Variants in BCOR observed in about 807,000 individuals in gnomAD.
BCOR encodes BCL-6 corepressor.
In BCOR, 10 loss-of-function variants were observed where a neutral mutation model predicts 86.7. That is an observed-to-expected ratio of 0.12 (90% confidence interval 0.07 to 0.20). The LOEUF (loss-of-function observed/expected upper bound fraction) is 0.20. Ranked by LOEUF, BCOR falls within the 10% of genes least tolerant of loss-of-function variation. BCOR has a pLI of 1.00. For missense variants in BCOR, 1,259 were observed against 1,452.1 expected (o/e 0.87, Z 2.16); for synonymous variants, 611 against 609.0 (o/e 1.00, Z -0.05).
chrX:40,090,772 C>G (rs1274186625), intron 1 of BCOR, among the ~76,000 whole-genome samples: 1 of 111,877 alleles, frequency 8.9e-6, no homozygotes, highest in Non-Finnish European at 1.9e-5. Flanking sequence ...GGACGGGCTG[C>G]TTTTATTTAT....
At chrX:40,171,496 T>TGGG (rs10708196) in intron 1 of BCOR, among the ~76,000 whole-genome samples, 1 of 63,857 alleles carries the variant, frequency 1.6e-5, no homozygotes, top group Non-Finnish European at 3.5e-5. Context: ...TTAATCCCCA[T>TGGG]GGGGGGGGGG....
intron 4 of BCOR, 88 bp downstream of exon 4, chrX:40,072,261 C>T: frequency 1.0e-6 from 1 of 989,183 alleles, no homozygotes; most frequent in Non-Finnish European, 1.4e-6. Context: ...TGCCTGGTGC[C>T]CTGCCCTACC....
intron 1 of BCOR, among the ~76,000 whole-genome samples, chrX:40,133,864 A>G (rs7063183): frequency 0.3 from 33,578 of 110,142 alleles, 5,511 homozygotes; most frequent in African/African-American, 0.63. Flanking sequence ...AAGTACACTC[A>G]TGTGTATTAA....
chrX:40,160,830 A>ATT (rs776054747), intron 1 of BCOR, among the ~76,000 whole-genome samples: 96 of 92,359 alleles, frequency 1.0e-3, no homozygotes, highest in African/African-American at 3.6e-3. Flanking sequence ...CGCCCGGCTA[A>ATT]TTTTTTTTTT....
intron 1 of BCOR, among the ~76,000 whole-genome samples, chrX:40,095,299 G>GAGGCTGACAATTA (rs1333992086): frequency 2.7e-5 from 3 of 111,886 alleles, no homozygotes; most frequent in African/African-American, 9.8e-5. Flanking sequence ...AGGAATCTTT[G>GAGGCTGACAATTA]AGGCTGACAA....
chrX:40,101,835 G>A (rs1440474408), upstream of BCOR, among the ~76,000 whole-genome samples: 1 of 112,769 alleles, frequency 8.9e-6, no homozygotes, highest in East Asian at 2.8e-4. Context: ...TTCTCAGGGC[G>A]ATGACACTTG....
intron 1 of BCOR, among the ~76,000 whole-genome samples, chrX:40,093,889 T>A (rs2147661844): frequency 9.0e-6 from 1 of 110,948 alleles, no homozygotes; most frequent in South Asian, 3.8e-4. Flanking sequence ...AAAGTGAGGG[T>A]GTTCATTGTG....
chrX:40,072,541 C>G lies in BCOR; in HGVS notation c.2805G>C (p.Val935=). The G allele has an allele frequency of 8.3e-7, 1 of 1,211,895 alleles. No individual in the cohort carries two copies. The highest frequency in any genetic ancestry group is 1.7e-5 in the African/African-American group (1 of 57,851). ...CVGSAPPSVD[V]TPTYTKDGAD... ...CTCCATCTTTGGTATAGGTGGGGGT[C>G]ACATCCACACTTGGTGGGGCACTGC... The change falls in exon 4 of 15, where the codon GTG becomes GTC. Residue 935 remains valine, a synonymous_variant. Transcript: ENST00000378444.
chrX:40,142,711 T>A, intron 1 of BCOR, among the ~76,000 whole-genome samples: 1 of 111,940 alleles, frequency 8.9e-6, no homozygotes, highest in Non-Finnish European at 1.9e-5. Flanking sequence ...TGTGGTGACA[T>A]AGGCCCTGTT....
chrX:40,071,900 T>C (rs1228338514), intron 4 of BCOR: 1 of 400,335 alleles, frequency 2.5e-6, no homozygotes, highest in African/African-American at 2.5e-5. Context: ...TAAGCAACCT[T>C]TTTTCTTTTT....
chrX:40,158,114 G>A (rs1938333599), intron 1 of BCOR, among the ~76,000 whole-genome samples: 1 of 112,365 alleles, frequency 8.9e-6, no homozygotes, highest in South Asian at 3.6e-4. Flanking sequence ...ACCATGTCTA[G>A]CCAGGCGGCC....
At chrX:40,135,394 T>G (rs1172994049) in intron 1 of BCOR, among the ~76,000 whole-genome samples, 1 of 100,379 alleles carries the variant, frequency 1.0e-5, no homozygotes, top group Admixed American at 1.1e-4. Context: ...CCTTCTTTTC[T>G]TTTTTTTTTT....
chrX:40,143,906 G>A (rs1455076791), intron 1 of BCOR, among the ~76,000 whole-genome samples: 1 of 112,568 alleles, frequency 8.9e-6, no homozygotes, highest in East Asian at 2.8e-4. Flanking sequence ...GCAGTGAGTC[G>A]AGATCGGGCC....
chrX:40,130,183 G>A (rs966723015), intron 1 of BCOR, among the ~76,000 whole-genome samples: 1 of 111,319 alleles, frequency 9.0e-6, no homozygotes, highest in African/African-American at 3.3e-5. Flanking sequence ...TCTTCAACAG[G>A]TGGAGAGCAG....
chrX:40,094,625 G>C (rs1200961976), intron 1 of BCOR, among the ~76,000 whole-genome samples: 1 of 113,486 alleles, frequency 8.8e-6, no homozygotes, highest in Non-Finnish European at 1.9e-5. Flanking sequence ...GGGAGGCGGG[G>C]AGGAGCAGCC....
At chrX:40,082,856 C>A (rs975151957) in intron 1 of BCOR, among the ~76,000 whole-genome samples, 3 of 111,966 alleles carry the variant, frequency 2.7e-5, no homozygotes, top group African/African-American at 9.8e-5. Context: ...GTGTAATAAG[C>A]CCCAGAATCA....
intron 1 of BCOR, among the ~76,000 whole-genome samples, chrX:40,144,732 C>CA (rs1174196842): frequency 1.8e-5 from 2 of 110,896 alleles, no homozygotes; most frequent in Non-Finnish European, 3.8e-5. Context: ...GACCGCCCCC[C>CA]CTCCCCGCCA....
intron 1 of BCOR, among the ~76,000 whole-genome samples, chrX:40,166,328 T>C (rs769779402): frequency 1.6e-4 from 18 of 112,288 alleles, no homozygotes; most frequent in Non-Finnish European, 2.6e-4. Context: ...GGAAGTACCA[T>C]GGGAGTCTTT....
chrX:40,170,460 G>T (rs1938597080), intron 1 of BCOR, among the ~76,000 whole-genome samples: 1 of 108,796 alleles, frequency 9.2e-6, no homozygotes, highest in Admixed American at 9.9e-5. Context: ...AAGCAATTCT[G>T]CCTCAGCCTC....
Sources: allele counts gnomAD v4.1 joint callset (sites outside exome capture counted in the v4.1 genomes callset), GRCh38; gene constraint gnomAD v4.1.1; transcripts MANE v1.5; gene names NCBI Gene and HGNC (gene_info 2026-07-23, HGNC 2026-07-21).